DMD: variants seen among roughly 807,000 people sequenced by gnomAD.
DMD encodes mutant dystrophin.
Under a neutral mutation model 330.1 loss-of-function variants are expected in DMD, and 63 were observed. The observed-to-expected ratio is 0.19, with a 90% CI of 0.16 to 0.24. DMD has a LOEUF of 0.24. Ranked by LOEUF, DMD falls within the 10% of genes least tolerant of loss-of-function variation. The pLI, the probability that DMD is intolerant of heterozygous loss-of-function variation, is 1.00. For synonymous variants in DMD, 1,223 were observed against 959.8 expected (o/e 1.27, Z -5.07); for missense variants, 3,344 against 2,684.1 (o/e 1.25, Z -5.43).
intron 55 of DMD, among the ~76,000 whole-genome samples, chrX:31,543,038 T>A (rs1007181531): frequency 1.5e-4 from 17 of 112,580 alleles, no homozygotes; most frequent in Non-Finnish European, 3.0e-4. Context: ...CGCCTCCGTG[T>A]GCAGTCCTCT....
chrX:31,287,639 T>A (rs1255583506), intron 62 of DMD, among the ~76,000 whole-genome samples: 1 of 112,067 alleles, frequency 8.9e-6, no homozygotes, highest in African/African-American at 3.2e-5. Context: ...GAAAGCATAA[T>A]CTATAGGAGG....
chrX:31,412,557 G>A (rs2061693808), intron 60 of DMD, among the ~76,000 whole-genome samples: 1 of 111,770 alleles, frequency 8.9e-6, no homozygotes, highest in South Asian at 3.8e-4. Flanking sequence ...CTGGGGGCTG[G>A]AACTCAGATG....
chrX:33,049,774 T>C lies in DMD; in HGVS notation c.32-29574A>G, dbSNP rs750076205. Among the ~76,000 whole-genome samples, 6 of 111,630 alleles carry C rather than the reference T, an allele frequency of 5.4e-5. No individual in the cohort carries two copies. In the South Asian group the frequency reaches 2.2e-3, roughly 42 times the overall value. On this transcript the variant is annotated intron_variant, in intron 1 of 78. Coordinates refer to ENST00000357033, the MANE Select transcript of DMD (RefSeq NM_004006.3). ...GTATATTTGTAATTATCAATATTAA[T>C]ACGAAGCAATAGGGTCAACATGAAC...
At chrX:31,874,273 G>A (rs184525524) in intron 48 of DMD, among the ~76,000 whole-genome samples, 6 of 111,413 alleles carry the variant, frequency 5.4e-5, no homozygotes, top group Admixed American at 2.9e-4. Context: ...AAATTACATG[G>A]ATGGAAAGGT....
At chrX:31,955,505 T>C (rs150039607) in intron 45 of DMD, among the ~76,000 whole-genome samples, 479 of 112,176 alleles carry the variant, frequency 4.3e-3, no homozygotes, top group Admixed American at 7.3e-3. Context: ...TGGTAATTTG[T>C]AAAATGGACA....
At chrX:31,958,113 TTTTTTTTAA>T (rs1332296789) in intron 45 of DMD, among the ~76,000 whole-genome samples, 1 of 103,736 alleles carries the variant, frequency 9.6e-6, no homozygotes, top group East Asian at 3.1e-4. Context: ...TTTTTTTTTT[TTTTTTTTAA>T]AAATGGTACA....
intron 63 of DMD, among the ~76,000 whole-genome samples, chrX:31,256,917 A>C (rs1048759285): frequency 1.8e-5 from 2 of 111,092 alleles, no homozygotes; most frequent in African/African-American, 6.6e-5. Context: ...TCATTGTAGA[A>C]AATCAGTGGA....
At chrX:31,292,281 T>TA (rs763862377) in intron 62 of DMD, among the ~76,000 whole-genome samples, 2 of 109,892 alleles carry the variant, frequency 1.8e-5, no homozygotes, top group Non-Finnish European at 3.8e-5. Context: ...GATGAATCAA[T>TA]AAAAAAAATA....
chrX:31,855,038 C>T (rs762064268), intron 48 of DMD, among the ~76,000 whole-genome samples: 6 of 112,214 alleles, frequency 5.3e-5, no homozygotes, highest in Non-Finnish European at 1.1e-4. Context: ...TGTCTGTTCA[C>T]GGTCTGTATT....
intron 18 of DMD, among the ~76,000 whole-genome samples, chrX:32,513,873 C>T (rs1415739154): frequency 9.0e-6 from 1 of 111,035 alleles, no homozygotes; most frequent in East Asian, 2.8e-4. Flanking sequence ...TGAATTGGAA[C>T]AAATGGCCAA....
At chrX:31,458,469 G>A (rs1358450995) in intron 59 of DMD, among the ~76,000 whole-genome samples, 3 of 98,231 alleles carry the variant, frequency 3.1e-5, no homozygotes, top group Non-Finnish European at 6.0e-5. Context: ...ACACAAATGA[G>A]TCTAAGTGTC....
intron 7 of DMD, among the ~76,000 whole-genome samples, chrX:32,790,435 T>TGC (rs1178232610): frequency 9.0e-6 from 1 of 111,632 alleles, no homozygotes; most frequent in African/African-American, 3.3e-5. Context: ...CTAGATACTG[T>TGC]GCAAAGGCAT....
At chrX:31,845,386 T>G in intron 48 of DMD, among the ~76,000 whole-genome samples, 2 of 41,662 alleles carry the variant, frequency 4.8e-5, no homozygotes, top group Non-Finnish European at 4.3e-5. Context: ...TCTCTCTCTC[T>G]CTCTCTCTCT....
At chrX:32,868,500 T>A (rs1260700427) in intron 2 of DMD, among the ~76,000 whole-genome samples, 6 of 111,946 alleles carry the variant, frequency 5.4e-5, no homozygotes. Context: ...CTGAGAGGAC[T>A]GAGCTCCTGT....
chrX:33,226,185 C>T (rs1320624554), intron 1 of DMD, among the ~76,000 whole-genome samples: 1 of 111,215 alleles, frequency 9.0e-6, no homozygotes, highest in Non-Finnish European at 1.9e-5. Flanking sequence ...ACTAAACATA[C>T]AACTAACCTA....
intron 51 of DMD, among the ~76,000 whole-genome samples, chrX:31,744,989 C>T (rs1396392346): frequency 1.8e-5 from 2 of 111,603 alleles, no homozygotes; most frequent in Non-Finnish European, 3.8e-5. Flanking sequence ...CACGCAGTTA[C>T]CCAATAATAG....
chrX:31,222,057 G>A (rs1393831689), intron 64 of DMD, among the ~76,000 whole-genome samples: 3 of 110,901 alleles, frequency 2.7e-5, no homozygotes, highest in African/African-American at 9.8e-5. Context: ...TTAGCCAGGC[G>A]TGGTGGTGGG....
At chrX:32,263,318 G>A (rs188064011) in intron 43 of DMD, among the ~76,000 whole-genome samples, 1 of 111,950 alleles carries the variant, frequency 8.9e-6, no homozygotes. Flanking sequence ...TTTGCAGACT[G>A]TCAACTATTG....
intron 2 of DMD, among the ~76,000 whole-genome samples, chrX:32,967,596 G>A (rs1178872079): frequency 9.0e-6 from 1 of 111,347 alleles, no homozygotes; most frequent in South Asian, 3.8e-4. Flanking sequence ...AAACCCATCA[G>A]AGAAAGTCTT....
Sources: allele counts gnomAD v4.1 joint callset (sites outside exome capture counted in the v4.1 genomes callset), GRCh38; gene constraint gnomAD v4.1.1; transcripts MANE v1.5; gene names NCBI Gene and HGNC (gene_info 2026-07-23, HGNC 2026-07-21).